Variants in MOGAT1 observed in about 807,000 individuals in gnomAD.
MOGAT1 encodes 2-acylglycerol O-acyltransferase 1.
MOGAT1 carries 32 observed loss-of-function variants against 31.4 expected under a neutral mutation model. The observed-to-expected ratio is 1.02, with a 90% confidence interval of 0.77 to 1.37. The LOEUF (loss-of-function observed/expected upper bound fraction) is 1.37. Ranked by LOEUF, MOGAT1 falls within the 40% of genes most tolerant of loss-of-function variation. The pLI, the probability that MOGAT1 is intolerant of heterozygous loss-of-function variation, is 0.00. For missense variants in MOGAT1, 426 were observed against 402.0 expected (o/e 1.06, Z -0.51); for synonymous variants, 145 against 144.5 (o/e 1.00, Z -0.03).
At chr2:222,676,115 C>T (rs1008891305) in intron 1 of MOGAT1, among the ~76,000 whole-genome samples, 1 of 151,460 alleles carries the variant, frequency 6.6e-6, no homozygotes, top group African/African-American at 2.4e-5. Flanking sequence ...CCTTCTCTGG[C>T]CCCCAACCCC....
At chr2:222,673,856 A>T (rs1278343631) in intron 1 of MOGAT1, among the ~76,000 whole-genome samples, 1 of 152,228 alleles carries the variant, frequency 6.6e-6, no homozygotes, top group African/African-American at 2.4e-5. Context: ...AACACACAGT[A>T]TATGTCTGGC....
At chr2:222,684,711 G>A (rs1030109399) in intron 1 of MOGAT1, among the ~76,000 whole-genome samples, 2 of 151,936 alleles carry the variant, frequency 1.3e-5, no homozygotes, top group African/African-American at 4.8e-5. Flanking sequence ...CAAGTAGCTG[G>A]GATTACAGGT....
chr2:222,684,345 G>T (rs1454197206), intron 1 of MOGAT1, among the ~76,000 whole-genome samples: 1 of 151,856 alleles, frequency 6.6e-6, no homozygotes, highest in African/African-American at 2.4e-5. Flanking sequence ...GGCGGAGGTT[G>T]CAGTGAGCTG....
chr2:222,709,381 T>C (rs1362652208), intron 5 of MOGAT1, among the ~76,000 whole-genome samples: 3 of 152,104 alleles, frequency 2.0e-5, no homozygotes, highest in South Asian at 2.1e-4. Context: ...TCAGTAATAA[T>C]CAGGGCACTA....
At position 222,671,726 on chromosome 2, in the gene MOGAT1, G is replaced by A. The variant is rs1193770904; in HGVS notation, c.-60G>A. 2.1e-6 allele frequency: 3 copies of A among 1,418,624 alleles called. No homozygotes were observed. Among genetic ancestry groups the A allele is most frequent in the Non-Finnish European group, 2.9e-6 (3 of 1,030,884 alleles). 87.9% of individuals were successfully genotyped at this position (1,418,624 alleles called of 1,614,324 possible). ...ATCCGGCCGGGCACTTCCCACAGGC[G>A]CCGCAGAGCAGCGTGGGTGCAGGCT... On this transcript the variant is annotated 5_prime_UTR_variant, in exon 1 of 6. Coordinates refer to ENST00000446656, the MANE Select transcript of MOGAT1 (RefSeq NM_058165.3).
chr2:222,707,247 AAGAAAG>A (rs1011674620), intron 5 of MOGAT1, among the ~76,000 whole-genome samples: 4 of 149,902 alleles, frequency 2.7e-5, no homozygotes, highest in Admixed American at 1.3e-4. Context: ...AGGGAGGGGA[AAGAAAG>A]AGAAAGAAAG....
intron 5 of MOGAT1, among the ~76,000 whole-genome samples, chr2:222,707,482 C>A (rs1198333657): frequency 1.3e-5 from 2 of 152,026 alleles, no homozygotes; most frequent in Admixed American, 1.3e-4. Context: ...GAGAGAAAGT[C>A]ACCTGCTCAG....
intron 5 of MOGAT1, among the ~76,000 whole-genome samples, chr2:222,696,578 C>G (rs566572309): frequency 6.6e-6 from 1 of 152,258 alleles, no homozygotes; most frequent in African/African-American, 2.4e-5. Flanking sequence ...TCAGAATTGT[C>G]TATTCATGTC....
chr2:222,688,333 T>C lies in MOGAT1; in HGVS notation c.95-11T>C. 6.3e-7 allele frequency: 1 copy of C among 1,596,140 alleles called. No individual in the cohort carries two copies. The highest frequency in any genetic ancestry group is 8.5e-7 in the Non-Finnish European group (1 of 1,171,116). ...CAGACTGATTCCATGAGACTTTTTC[T>C]TTTCTTACAGGGCCGATGTCCATTG... On this transcript the variant is annotated splice_polypyrimidine_tract_variant and intron_variant, in intron 1 of 5. Transcript: ENST00000446656.
At chr2:222,681,287 C>T (rs991685261) in intron 1 of MOGAT1, among the ~76,000 whole-genome samples, 16 of 152,194 alleles carry the variant, frequency 1.1e-4, no homozygotes, top group Non-Finnish European at 2.9e-5. Context: ...CAGGTTGGCA[C>T]TTGTGCTTCT....
chr2:222,680,565 A>C (rs2106032595), intron 1 of MOGAT1, among the ~76,000 whole-genome samples: 2 of 152,310 alleles, frequency 1.3e-5, no homozygotes, highest in Middle Eastern at 3.4e-3. Context: ...GTTCTCTTAA[A>C]ATAGAAATTT....
intron 1 of MOGAT1, chr2:222,678,359 T>C (rs1352514107): frequency 6.6e-6 from 1 of 152,284 alleles, no homozygotes; most frequent in Non-Finnish European, 1.5e-5. Flanking sequence ...CATCTTTTCA[T>C]GTGCTTAGTT....
chr2:222,672,587 G>A (rs932807199), intron 1 of MOGAT1, among the ~76,000 whole-genome samples: 4 of 152,008 alleles, frequency 2.6e-5, no homozygotes, highest in African/African-American at 9.7e-5. Flanking sequence ...CTTCATATTT[G>A]TTCTGCTCTT....
intron 5 of MOGAT1, among the ~76,000 whole-genome samples, chr2:222,705,653 A>G (rs1399823855): frequency 1.3e-5 from 2 of 152,166 alleles, no homozygotes; most frequent in Non-Finnish European, 2.9e-5. Flanking sequence ...GGGCTGGCTA[A>G]TTAATTAGCC....
Position 222,671,814 on chromosome 2 carries a change from T to C in MOGAT1, c.29T>C (p.Ile10Thr), listed in dbSNP as rs1484826500. The C allele has an allele frequency of 6.4e-7, 1 of 1,553,876 alleles. No homozygotes were observed. The highest frequency in any genetic ancestry group is 1.2e-5 in the South Asian group (1 of 84,218). ...AAGGTAGAGTTTGCACCGCTCAACATCCAGCTGGCGCGGCGGCTGCAGACG... is the reference window on the plus strand; with the variant it reads ...AAGGTAGAGTTTGCACCGCTCAACACCCAGCTGGCGCGGCGGCTGCAGACG... MKVEFAPLN[I>T]QLARRLQTVA... is the part of the protein sequence containing the mutation. The change falls in exon 1 of 6, where the codon ATC becomes ACC. Residue 10 changes from isoleucine (I) to threonine (T), a missense_variant. Coordinates refer to ENST00000446656, the MANE Select transcript of MOGAT1 (RefSeq NM_058165.3).
chr2:222,708,072 T>TG (rs568413896), intron 5 of MOGAT1, among the ~76,000 whole-genome samples: 159 of 152,120 alleles, frequency 1.0e-3, no homozygotes, highest in African/African-American at 3.7e-3. Flanking sequence ...TTTTCTTTTT[T>TG]TTGTTGTTGT....
chr2:222,700,846 T>G (rs1662930104), intron 5 of MOGAT1, among the ~76,000 whole-genome samples: 1 of 152,174 alleles, frequency 6.6e-6, no homozygotes, highest in Non-Finnish European at 1.5e-5. Context: ...TGAAATGCAG[T>G]GTGGCTTCAT....
chr2:222,677,669 G>T (rs985006121), intron 1 of MOGAT1: 4 of 399,078 alleles, frequency 1.0e-5, no homozygotes, highest in Non-Finnish European at 2.0e-5. Flanking sequence ...AAACTCAAAG[G>T]ATTCTAGAAA....
At position 222,694,311 on chromosome 2, in the gene MOGAT1, G is replaced by C. The variant is rs538358095; in HGVS notation, c.479-51G>C. ...TCATGGAATATTATGATAAAACATT[G>C]TAATATTGTTAGAAAAGGATAACTA... On this transcript the variant is annotated intron_variant, in intron 3 of 5. Transcript: ENST00000446656. 148 of 1,450,436 alleles carry C rather than the reference G, an allele frequency of 1.0e-4. 4 individuals are homozygous for C. The South Asian group carries it at 1.9e-3, about 19-fold the overall frequency. 89.8% of individuals were successfully genotyped at this position (1,450,436 alleles called of 1,614,324 possible).
Sources: gnomAD v4.1 joint callset for allele counts (sites outside exome capture counted in the v4.1 genomes callset) on GRCh38, gnomAD v4.1.1 for gene constraint, MANE v1.5 for transcripts, NCBI Gene and HGNC (gene_info 2026-07-23, HGNC 2026-07-21) for gene names.